The following MYRFL variants were observed in gnomAD, a reference collection of about 807,000 sequenced individuals.
MYRFL encodes myelin regulatory factor like, also known as myelin regulatory factor-like protein.
In MYRFL, 88 loss-of-function variants were observed where a neutral mutation model predicts 109.4. That is an observed-to-expected ratio of 0.80 (90% CI 0.68 to 0.96). The LOEUF is 0.96. Ranked by LOEUF, MYRFL falls within the 40% of genes least tolerant of loss-of-function variation. The pLI is 0.00. For missense variants in MYRFL, 957 were observed against 954.9 expected, an observed-to-expected ratio of 1.00 and a Z score of -0.03; for synonymous variants, 324 against 320.9, an observed-to-expected ratio of 1.01 and a Z score of -0.10.
chr12:69,855,572 G>T (rs555233216), intron 2 of MYRFL, among the ~76,000 whole-genome samples: 184 of 152,182 alleles, frequency 1.2e-3, no homozygotes, highest in Non-Finnish European at 2.2e-3. Flanking sequence ...ACCTCCACCC[G>T]CAAATTCAGT....
At chr12:69,825,688 C>A in intron 1 of MYRFL, 125 bp downstream of exon 1, 1 of 620,224 alleles carries the variant, frequency 1.6e-6, no homozygotes, top group South Asian at 1.9e-5. Flanking sequence ...AGGTAACTCT[C>A]CTAATATCAA....
In MYRFL at chr12:69,879,353, T is replaced by C. The variant is rs1885908923; in HGVS notation, c.364T>C (p.Ser122Pro). The stretch of plus-strand genomic sequence containing the variant: ...CCACGGAGGCTTTCACAGCTGCCAC[T>C]CAAACGCCAGTCATCTTGCCACCCC... Reference protein sequence around the residue: ...QIHGGFHSCHSNASHLATPLD... With the variant: ...QIHGGFHSCHPNASHLATPLD... Residue 122 changes from serine to proline, a missense_variant, in exon 4 of 25, where the codon TCA becomes CCA. Physicochemically the swap from Ser to Pro is moderately conservative, Grantham distance 74. Coordinates refer to ENST00000552032, the MANE Select transcript of MYRFL (RefSeq NM_182530.3). The C allele has an allele frequency of 1.4e-6, 1 of 702,850 alleles. No individual in the cohort carries two copies. Among genetic ancestry groups the C allele is most frequent in the Admixed American group, 2.0e-5 (1 of 50,006 alleles). The allele number at this position is 702,850 out of a possible 1,614,324, so 43.5% of individuals were successfully genotyped here. A position where few individuals can be genotyped will look rare whatever the true frequency, so the allele number is the denominator to read the frequency against.
At chr12:69,834,814 A>G (rs1882840392) in intron 1 of MYRFL, among the ~76,000 whole-genome samples, 1 of 152,250 alleles carries the variant, frequency 6.6e-6, no homozygotes, top group African/African-American at 2.4e-5. Flanking sequence ...GCAACAAAGG[A>G]CAAAGTACTG....
At chr12:69,891,666 TTTCTTTCTTTCTTTCTTTCGTTCGTTC>T (rs1566002614) in intron 7 of MYRFL, among the ~76,000 whole-genome samples, 4,408 of 101,690 alleles carry the variant, frequency 0.043, 291 homozygotes, top group African/African-American at 0.073. Flanking sequence ...TCTTTCTTTC[TTTCTTTCTTTCTTTCTTTCGTTCGTTC>T]GTTCTTTCTT....
At chr12:69,884,364 G>A (rs1284371737) in intron 5 of MYRFL, among the ~76,000 whole-genome samples, 1 of 152,204 alleles carries the variant, frequency 6.6e-6, no homozygotes, top group Admixed American at 6.5e-5. Context: ...TGATCCCTAG[G>A]CTTTTCCCAG....
chr12:69,891,678 T>TTTCTTTCTTTCTTTCTTTCTTTCG (rs1555249414), intron 7 of MYRFL, among the ~76,000 whole-genome samples: 4 of 112,436 alleles, frequency 3.6e-5, no homozygotes, highest in African/African-American at 1.6e-4. Flanking sequence ...TCTTTCTTTC[T>TTTCTTTCTTTCTTTCTTTCTTTCG]TTCTTTCGTT....
chr12:69,843,507 A>T (rs1325767604), intron 1 of MYRFL, among the ~76,000 whole-genome samples: 1 of 152,330 alleles, frequency 6.6e-6, no homozygotes, highest in East Asian at 1.9e-4. Context: ...AAAGATCTTT[A>T]TATAGGACTG....
chr12:69,926,672 G>C lies in MYRFL; in HGVS notation c.1704G>C (p.Lys568Asn), dbSNP rs1955094270. The C allele has an allele frequency of 6.6e-7, 1 of 1,525,708 alleles. No individual in the cohort carries two copies. The highest frequency in any genetic ancestry group is 1.4e-5 in the African/African-American group (1 of 72,956). 94.5% of individuals were successfully genotyped at this position (1,525,708 alleles called of 1,614,324 possible). The stretch of plus-strand genomic sequence containing the variant: ...AAGAGTTAGAAATATGGAACAGAAA[G>C]CTGGCCCGGCTAAAGCGGCTCAGTA... ...RIEELEIWNRKLARLKRLSSW... is the reference protein window; with the variant it reads ...RIEELEIWNRNLARLKRLSSW... The change falls in exon 14 of 25, where the codon AAG becomes AAC. Residue 568 changes from lysine (K) to asparagine (N), a missense_variant. By Grantham distance (94) the Lys-to-Asn change is moderately conservative. Transcript: ENST00000552032.
rs1312996178 is a variant in MYRFL, at chr12:69,825,358, TG to T, written c.-157del. The T allele has an allele frequency of 1.0e-5, 7 of 698,008 alleles. No homozygotes were observed. In the East Asian group the frequency reaches 1.9e-4, roughly 19 times the overall value. 43.2% of individuals were successfully genotyped at this position (698,008 alleles called of 1,614,324 possible). On this transcript the variant is annotated 5_prime_UTR_variant, in exon 1 of 25. It removes the in-frame stop codon of an upstream open reading frame in the 5' UTR. Coordinates refer to ENST00000552032, the MANE Select transcript of MYRFL (RefSeq NM_182530.3). ...ACATTTGAAAACTCAACCATCTTTC[TG>T]GGCACAATTTGATGGCTGAAGATAT...
At chr12:69,850,695 G>T (rs1301383782) in intron 1 of MYRFL, among the ~76,000 whole-genome samples, 1 of 151,942 alleles carries the variant, frequency 6.6e-6, no homozygotes, top group Non-Finnish European at 1.5e-5. Flanking sequence ...CTTTGTCAGG[G>T]TTTATTACTT....
At position 69,901,674 on chromosome 12, in the gene MYRFL, T is replaced by C. The variant is rs1044890215; in HGVS notation, c.1183-1970T>C. Among the ~76,000 whole-genome samples the C allele has an allele frequency of 1.5e-4, 23 of 152,310 alleles. 1 individual carries two copies. The highest frequency in any genetic ancestry group is 1.4e-3 in the Admixed American group (21 of 15,304). ...TAGAGAAAAATACATCACCATCTTA[T>C]ATGGCATACCTTTGGATTTAGTTGA... On this transcript the variant is annotated intron_variant, in intron 10 of 24. Transcript: ENST00000552032.
At chr12:69,831,751 T>C (rs1882643511) in intron 1 of MYRFL, among the ~76,000 whole-genome samples, 1 of 152,178 alleles carries the variant, frequency 6.6e-6, no homozygotes, top group Non-Finnish European at 1.5e-5. Flanking sequence ...ATGAGAAACA[T>C]GAGGCTGACA....
In MYRFL at chr12:69,903,775, T is replaced by C; in HGVS notation, c.1314T>C (p.Cys438=). The change falls in exon 11 of 25, where the codon TGT becomes TGC. Residue 438 remains cysteine (C), a synonymous_variant. Coordinates refer to ENST00000552032, the MANE Select transcript of MYRFL (RefSeq NM_182530.3). The part of the protein sequence containing the change: ...TDAPDEALVV[C]GNMKVMGTIM... ...CGCCGGACGAAGCCCTGGTTGTCTGTGGCAACATGAAAGTGATGGGGACCA... is the reference window on the plus strand; with the variant it reads ...CGCCGGACGAAGCCCTGGTTGTCTGCGGCAACATGAAAGTGATGGGGACCA... The C allele has an allele frequency of 6.5e-7, 1 of 1,535,776 alleles. No individual in the cohort carries two copies. Among genetic ancestry groups the C allele is most frequent in the Non-Finnish European group, 8.7e-7 (1 of 1,146,646 alleles).
At chr12:69,943,215 G>A (rs539559364) in intron 19 of MYRFL, among the ~76,000 whole-genome samples, 18 of 151,616 alleles carry the variant, frequency 1.2e-4, no homozygotes, top group African/African-American at 2.7e-4. Flanking sequence ...AAAACAGCCC[G>A]CATCGCCAAG....
chr12:69,854,064 A>C (rs377441706), intron 1 of MYRFL, among the ~76,000 whole-genome samples: 19 of 152,344 alleles, frequency 1.2e-4, no homozygotes, highest in African/African-American at 4.3e-4. Flanking sequence ...AACATTGAGC[A>C]CTGAGTTAGT....
intron 19 of MYRFL, among the ~76,000 whole-genome samples, chr12:69,949,682 CATTAGTGTTAGTGT>C (rs1253098358): frequency 1.3e-5 from 2 of 150,000 alleles, no homozygotes; most frequent in Admixed American, 6.6e-5. Context: ...CTTCAGCTAT[CATTAGTGTTAGTGT>C]ATTTTATGTG....
intron 5 of MYRFL, among the ~76,000 whole-genome samples, 200 bp from the exon 6 acceptor site, chr12:69,886,620 C>A (rs1474086266): frequency 3.3e-5 from 5 of 152,032 alleles, no homozygotes; most frequent in African/African-American, 4.8e-5. Context: ...TACCCCCCAC[C>A]CTTTGACAAC....
intron 1 of MYRFL, among the ~76,000 whole-genome samples, chr12:69,836,894 A>G (rs1360240071): frequency 1.3e-5 from 2 of 152,220 alleles, no homozygotes; most frequent in African/African-American, 2.4e-5. Flanking sequence ...ACGGCCACCA[A>G]TATTAACGTG....
chr12:69,848,709 ACT>A (rs2136319614), intron 1 of MYRFL, among the ~76,000 whole-genome samples: 1 of 152,074 alleles, frequency 6.6e-6, no homozygotes, highest in African/African-American at 2.4e-5. Context: ...GACATTCATA[ACT>A]CTCTTCATTT....
Sources: allele counts gnomAD v4.1 joint callset (sites outside exome capture counted in the v4.1 genomes callset), GRCh38; gene constraint gnomAD v4.1.1; transcripts MANE v1.5; gene names NCBI Gene and HGNC (gene_info 2026-07-23, HGNC 2026-07-21).